The following ATP2B3 variants were observed in gnomAD, a reference collection of about 807,000 sequenced individuals.
ATP2B3 encodes the protein ATPase plasma membrane Ca2+ transporting 3, also known as plasma membrane calcium-transporting ATPase 3.
Under a neutral mutation model 70.8 loss-of-function variants are expected in ATP2B3, and 12 were observed. The observed-to-expected ratio is 0.17, with a 90% CI of 0.11 to 0.27. ATP2B3 has a LOEUF of 0.27. ATP2B3 is among the 10% of genes least tolerant of loss of function. The pLI, the probability that ATP2B3 is intolerant of heterozygous loss-of-function variation, is 1.00. For missense variants in ATP2B3, 858 were observed against 1,118.5 expected, an observed-to-expected ratio of 0.77 and a Z score of 3.32; for synonymous variants, 460 against 497.8, an observed-to-expected ratio of 0.92 and a Z score of 1.01.
At chrX:153,541,140 AG>A (rs1475673859) in intron 3 of ATP2B3, among the ~76,000 whole-genome samples, 2 of 112,306 alleles carry the variant, frequency 1.8e-5, no homozygotes, top group Non-Finnish European at 3.8e-5. Context: ...TCCCCATGAC[AG>A]CAGCCAGAGA....
chrX:153,556,432 C>T lies in ATP2B3; in HGVS notation c.2326+14C>T, dbSNP rs1557013685. The T allele has an allele frequency of 8.4e-7, 1 of 1,191,658 alleles. No individual in the cohort carries two copies. Among genetic ancestry groups the T allele is most frequent in the Non-Finnish European group, 1.1e-6 (1 of 885,633 alleles). On this transcript the variant is annotated intron_variant, in intron 15 of 21. Coordinates refer to ENST00000263519, the MANE Select transcript of ATP2B3 (RefSeq NM_001001344.3). Reference sequence around the variant, plus strand: ...CACTGGTCAAAGGTAGCCGAGCCCCCACACCCCTTTCCTGGGGTGGCCAGC... The same window carrying T: ...CACTGGTCAAAGGTAGCCGAGCCCCTACACCCCTTTCCTGGGGTGGCCAGC...
intron 21 of ATP2B3, among the ~76,000 whole-genome samples, chrX:153,565,307 G>T (rs782077358): frequency 8.8e-6 from 1 of 113,325 alleles, no homozygotes; most frequent in East Asian, 2.8e-4. Flanking sequence ...CACTGAGATC[G>T]CCTCTCCCTG....
intron 21 of ATP2B3, among the ~76,000 whole-genome samples, chrX:153,576,985 C>T (rs1362607137): frequency 8.9e-6 from 1 of 112,378 alleles, no homozygotes; most frequent in Non-Finnish European, 1.9e-5. Context: ...AAAATAGAGC[C>T]TGGAGAAAGC....
rs1008686604 is a variant in ATP2B3, at chrX:153,563,420, C to T, written c.3159+1178C>T. Among the ~76,000 whole-genome samples the T allele has an allele frequency of 1.6e-4, 18 of 111,540 alleles. No homozygotes were observed. In the East Asian group the frequency reaches 5.1e-3, roughly 32 times the overall value. ...CCTCCCAAAGTGCTGGGATTACAGGCGGGAGCCACCATGCTCGGCCTGGCT... is the reference window on the plus strand; with the variant it reads ...CCTCCCAAAGTGCTGGGATTACAGGTGGGAGCCACCATGCTCGGCCTGGCT... On this transcript the variant is annotated intron_variant, in intron 20 of 21. Transcript: ENST00000263519.
In ATP2B3 at chrX:153,542,393, G is replaced by A. The variant is rs202125635; in HGVS notation, c.735G>A (p.Thr245=). 20 of 1,210,331 alleles carry A rather than the reference G, an allele frequency of 1.7e-5. No individual in the cohort carries two copies. Among genetic ancestry groups the A allele is most frequent in the Non-Finnish European group, 1.9e-5 (17 of 895,277 alleles). The part of the protein sequence containing the change: ...NDLKIDESSL[T]GESDHVRKSA... ...TCAAGATCGACGAGAGCTCCCTGAC[G>A]GGCGAGTCTGACCACGTGCGCAAGT... is the stretch of plus-strand genomic sequence containing the variant. The change falls in exon 6 of 22, where the codon ACG becomes ACA. Residue 245 remains threonine, a synonymous_variant. Transcript: ENST00000263519.
At chrX:153,531,320 G>A (rs1249874132) in intron 2 of ATP2B3, among the ~76,000 whole-genome samples, 1 of 113,323 alleles carries the variant, frequency 8.8e-6, no homozygotes, top group Non-Finnish European at 1.9e-5. Flanking sequence ...TACGAGGCCT[G>A]GGCCACACCT....
At chrX:153,553,444 C>T (rs895412130) in intron 13 of ATP2B3, among the ~76,000 whole-genome samples, 175 bp downstream of exon 13, 5 of 111,975 alleles carry the variant, frequency 4.5e-5, no homozygotes. Context: ...TCTGTCCTGC[C>T]TGCTGGAAAG....
At chrX:153,571,337 C>T (rs1483901533) in intron 21 of ATP2B3, among the ~76,000 whole-genome samples, 1 of 112,520 alleles carries the variant, frequency 8.9e-6, no homozygotes, top group Non-Finnish European at 1.9e-5. Context: ...CTCCCTCCCC[C>T]TTGACTTCCT....
In ATP2B3 at chrX:153,556,164, G is replaced by A. The variant is rs1352079404; in HGVS notation, c.2174G>A (p.Gly725Glu). The A allele has an allele frequency of 6.6e-6, 8 of 1,210,975 alleles. No homozygotes were observed. Among genetic ancestry groups the A allele is most frequent in the Non-Finnish European group, 7.8e-6 (7 of 895,273 alleles). Residue 725 changes from glycine (G) to glutamate (E), a missense_variant, in exon 14 of 22, where the codon GGG (glycine) becomes GAG (glutamate). Physicochemically the swap from Gly to Glu is moderately conservative, Grantham distance 98 (BLOSUM62 -2). Coordinates refer to ENST00000263519, the MANE Select transcript of ATP2B3 (RefSeq NM_001001344.3). ...IAAKCGIIQP[G>E]EDFLCLEGKE... ...GCCAAATGCGGCATCATCCAGCCCG[G>A]GGAGGACTTCCTGTGCCTAGAAGGG...
At chrX:153,530,536 G>A (rs1231097324) in intron 2 of ATP2B3, among the ~76,000 whole-genome samples, 4 of 112,695 alleles carry the variant, frequency 3.5e-5, no homozygotes, top group African/African-American at 1.3e-4. Context: ...CCTTGTTAAC[G>A]AGGACTTCCA....
At chrX:153,523,026 A>G (rs1556998363) in intron 2 of ATP2B3, among the ~76,000 whole-genome samples, 1 of 111,772 alleles carries the variant, frequency 8.9e-6, no homozygotes, top group Non-Finnish European at 1.9e-5. Flanking sequence ...TGTAAATCCA[A>G]CATCTCCATT....
intron 10 of ATP2B3, among the ~76,000 whole-genome samples, chrX:153,549,269 C>T (rs1345958787): frequency 9.3e-6 from 1 of 107,659 alleles, no homozygotes; most frequent in Non-Finnish European, 1.9e-5. Context: ...AGAGGGGGCT[C>T]GGGCAGGGGA....
At chrX:153,521,067 C>G (rs1556997707) in intron 2 of ATP2B3, among the ~76,000 whole-genome samples, 6 of 113,302 alleles carry the variant, frequency 5.3e-5, no homozygotes, top group Non-Finnish European at 1.9e-5. Context: ...TAGATGGGGA[C>G]CTGTGCCATG....
chrX:153,542,262 T>C lies in ATP2B3; in HGVS notation c.665-61T>C, dbSNP rs188054041. The C allele has an allele frequency of 1.7e-3, 2,020 of 1,193,694 alleles. 11 individuals are homozygous for C. In the African/African-American group the frequency reaches 0.03, roughly 18 times the overall value. The stretch of plus-strand genomic sequence containing the variant: ...GCGGCCCATGGCACCTGACGGGACC[T>C]CCCCTGGGGCAGCCGGGAGGAGGCG... On this transcript the variant is annotated intron_variant, in intron 5 of 21. Transcript: ENST00000263519.
chrX:153,545,049 C>A (rs1041381030), intron 7 of ATP2B3, among the ~76,000 whole-genome samples: 2 of 111,716 alleles, frequency 1.8e-5, no homozygotes, highest in Middle Eastern at 4.6e-3. Flanking sequence ...GAACCCTGGG[C>A]GGAGAGGGCC....
chrX:153,581,907 A>G lies in ATP2B3; in HGVS notation c.*1609A>G, dbSNP rs1341256882. 1 of 112,619 alleles carries G rather than the reference A, an allele frequency of 8.9e-6. No homozygotes were observed. Among genetic ancestry groups the G allele is most frequent in the East Asian group, 2.8e-4 (1 of 3,603 alleles). The allele number at this position is 112,619 out of a possible 1,213,427, so 9.3% of individuals were successfully genotyped here. A position where few individuals can be genotyped will look rare whatever the true frequency, so the allele number is the denominator to read the frequency against. ...TTTCCCCCAAATGAGCAAAGGGGAT[A>G]AAGAGGGGCCCGACTTTTGCCACCC... On this transcript the variant is annotated 3_prime_UTR_variant, in exon 22 of 22. Transcript: ENST00000263519.
chrX:153,574,555 T>C (rs1255674734), intron 21 of ATP2B3, among the ~76,000 whole-genome samples: 2 of 111,725 alleles, frequency 1.8e-5, no homozygotes, highest in African/African-American at 3.3e-5. Flanking sequence ...TGTTTCTGCT[T>C]GAGGAATTAG....
intron 21 of ATP2B3, among the ~76,000 whole-genome samples, chrX:153,569,026 G>A (rs782368561): frequency 2.1e-4 from 24 of 112,675 alleles, no homozygotes; most frequent in Non-Finnish European, 3.4e-4. Flanking sequence ...CTGTAAGAGT[G>A]GGGACAAAGC....
intron 2 of ATP2B3, among the ~76,000 whole-genome samples, chrX:153,519,513 G>A (rs2089925487): frequency 9.0e-6 from 1 of 111,709 alleles, no homozygotes; most frequent in South Asian, 3.8e-4. Context: ...AAGCCATGTG[G>A]CTCATTAAAG....
Sources: allele counts gnomAD v4.1 joint callset (sites outside exome capture counted in the v4.1 genomes callset), GRCh38; gene constraint gnomAD v4.1.1; transcripts MANE v1.5; gene names NCBI Gene and HGNC (gene_info 2026-07-23, HGNC 2026-07-21).